Variants in AKR1C3 observed in about 807,000 individuals in gnomAD.
The protein encoded by AKR1C3 is aldo-keto reductase family 1 member C3, also known as 3-alpha hydroxysteroid dehydrogenase, type II.
AKR1C3 carries 48 observed loss-of-function variants against 43.6 expected under a neutral mutation model. The ratio of observed to expected loss-of-function variants is 1.10; its 90% CI spans 0.87 to 1.40. AKR1C3 has a LOEUF of 1.40. AKR1C3 is among the 40% of genes most tolerant of loss of function. AKR1C3 has a pLI of 0.00. For synonymous variants in AKR1C3, 162 were observed against 139.6 expected, an observed-to-expected ratio of 1.16 and a Z score of -1.13; for missense variants, 482 against 391.2, an observed-to-expected ratio of 1.23 and a Z score of -1.96.
At position 5,083,292 on chromosome 10, in the gene AKR1C3, T is replaced by G. The variant is rs192643540; in HGVS notation, c.85-13118T>G. Reference sequence around the variant, plus strand: ...CCTTCCTGTGTCCATGTGTTCTCATTGTTCAATTCCCACCTATGAGTGAGA... The same window carrying G: ...CCTTCCTGTGTCCATGTGTTCTCATGGTTCAATTCCCACCTATGAGTGAGA... On this transcript the variant is annotated intron_variant, in intron 1 of 8. Transcript: ENST00000439082. 7.8e-4 allele frequency among the ~76,000 whole-genome samples: 119 copies of G among 152,260 alleles called. 1 individual carries two copies. The highest frequency in any genetic ancestry group is 2.8e-3 in the African/African-American group (117 of 41,548).
intron 1 of AKR1C3, chr10:5,078,026 A>G: frequency 1.5e-6 from 1 of 669,604 alleles, no homozygotes; most frequent in Admixed American, 2.4e-5. Flanking sequence ...TGAGCTGAAA[A>G]TATGATTACT....
At chr10:5,094,950 A>C (rs1839173693) in intron 1 of AKR1C3, among the ~76,000 whole-genome samples, 1 of 152,242 alleles carries the variant, frequency 6.6e-6, no homozygotes, top group South Asian at 2.1e-4. Flanking sequence ...TATGGTGTGC[A>C]CAAAACTGTC....
At chr10:5,073,479 C>A (rs1838651705) in intron 1 of AKR1C3, among the ~76,000 whole-genome samples, 1 of 152,112 alleles carries the variant, frequency 6.6e-6, no homozygotes, top group Admixed American at 6.6e-5. Flanking sequence ...GAACAACCCT[C>A]CCCTACACAG....
At chr10:5,104,460 A>G (rs1839446991) in intron 7 of AKR1C3, among the ~76,000 whole-genome samples, 2 of 152,084 alleles carry the variant, frequency 1.3e-5, no homozygotes, top group South Asian at 4.1e-4. Flanking sequence ...CAATTGACTT[A>G]TTTACTTTTC....
intron 1 of AKR1C3, among the ~76,000 whole-genome samples, chr10:5,056,208 C>T (rs974354944): frequency 3.9e-5 from 6 of 152,144 alleles, no homozygotes; most frequent in Non-Finnish European, 7.3e-5. Context: ...CAGATGAGGG[C>T]TATCCCTAAA....
intron 1 of AKR1C3, among the ~76,000 whole-genome samples, chr10:5,074,880 T>G (rs1217783918): frequency 6.6e-6 from 1 of 152,198 alleles, no homozygotes; most frequent in Non-Finnish European, 1.5e-5. Flanking sequence ...CCCCATTTTG[T>G]CTGTGTTATC....
chr10:5,097,353 A>G, intron 2 of AKR1C3, 81 bp from the exon 3 acceptor site: 2 of 1,521,964 alleles, frequency 1.3e-6, no homozygotes, highest in Non-Finnish European at 1.8e-6. Flanking sequence ...GTAGGAAAAT[A>G]TCTAAATACT....
chr10:5,070,186 C>T (rs140083476), intron 1 of AKR1C3, among the ~76,000 whole-genome samples: 159 of 152,312 alleles, frequency 1.0e-3, no homozygotes, highest in African/African-American at 3.7e-3. Context: ...AGAGATTCCC[C>T]TGTATGAAAC....
chr10:5,062,881 CAAA>C lies in AKR1C3; in HGVS notation c.84+13991_84+13993del, dbSNP rs1173867046. On this transcript the variant is annotated intron_variant, in intron 1 of 8. Coordinates refer to the AKR1C3 transcript ENST00000439082. ...AAAAAAAAAAAAAAAGGAAAGAAAA[CAAA>C]AAAACTTGTAATTTCTCAAAGCTCA... Among the ~76,000 whole-genome samples the C allele has an allele frequency of 2.6e-4, 36 of 139,918 alleles. No homozygotes were observed. In the South Asian group the frequency reaches 7.6e-3, roughly 29 times the overall value. 91.8% of individuals were successfully genotyped at this position (139,918 alleles called of 152,430 possible).
intron 1 of AKR1C3, among the ~76,000 whole-genome samples, chr10:5,070,681 AT>A (rs1196216302): frequency 6.6e-6 from 1 of 152,172 alleles, no homozygotes; most frequent in Non-Finnish European, 1.5e-5. Context: ...AATAAATGGG[AT>A]TAGTGTCCTT....
intron 5 of AKR1C3, chr10:5,099,898 G>C (rs536782589): frequency 6.3e-6 from 1 of 159,088 alleles, no homozygotes; most frequent in Admixed American, 6.0e-5. Context: ...CATGGAATTT[G>C]GATGTCTGAA....
At chr10:5,062,807 TCCAGC>T (rs1283445524) in intron 1 of AKR1C3, among the ~76,000 whole-genome samples, 1 of 150,810 alleles carries the variant, frequency 6.6e-6, no homozygotes, top group Non-Finnish European at 1.5e-5. Context: ...ACAGGCTTAT[TCCAGC>T]CAGTTCATTA....
chr10:5,070,853 G>A (rs1440823979), intron 1 of AKR1C3, among the ~76,000 whole-genome samples: 1 of 152,154 alleles, frequency 6.6e-6, no homozygotes, highest in Non-Finnish European at 1.5e-5. Flanking sequence ...ATCCATGCCT[G>A]ATATTTATAA....
chr10:5,096,993 T>G (rs1839222440), intron 2 of AKR1C3, among the ~76,000 whole-genome samples: 2 of 152,316 alleles, frequency 1.3e-5, no homozygotes, highest in South Asian at 4.1e-4. Context: ...GACACTTAAA[T>G]TGTCCTAAAT....
At chr10:5,059,691 T>G (rs950976275) in intron 1 of AKR1C3, among the ~76,000 whole-genome samples, 1 of 151,950 alleles carries the variant, frequency 6.6e-6, no homozygotes, top group Non-Finnish European at 1.5e-5. Context: ...TAAGGAAAAG[T>G]AGGACAGAAT....
chr10:5,100,204 G>T (rs373671587), intron 5 of AKR1C3, among the ~76,000 whole-genome samples: 1 of 152,192 alleles, frequency 6.6e-6, no homozygotes. Flanking sequence ...TGAGGCAGGA[G>T]AATCGCTTGA....
At chr10:5,098,051 T>C in intron 3 of AKR1C3, 1 of 999,318 alleles carries the variant, frequency 1.0e-6, no homozygotes, top group Middle Eastern at 5.1e-4. Context: ...TCTTTCACAA[T>C]AGAGTTTGAA....
upstream of AKR1C3, chr10:5,094,149 T>G: frequency 5.0e-6 from 1 of 201,694 alleles, no homozygotes; most frequent in African/African-American, 2.4e-5. Context: ...TCCTTTTGAA[T>G]AATTTAATAT....
At chr10:5,077,890 G>T in intron 1 of AKR1C3, 1 of 600,418 alleles carries the variant, frequency 1.7e-6, no homozygotes. Context: ...AGAATTCTTT[G>T]AATCATCAGA....
Sources: gnomAD v4.1 joint callset for allele counts (sites outside exome capture counted in the v4.1 genomes callset) on GRCh38, gnomAD v4.1.1 for gene constraint, MANE v1.5 for transcripts, NCBI Gene and HGNC (gene_info 2026-07-23, HGNC 2026-07-21) for gene names.